SYT14: variants seen among roughly 807,000 people sequenced by gnomAD.
SYT14 encodes the protein synaptotagmin 14.
In SYT14, 32 loss-of-function variants were observed where a neutral mutation model predicts 74.2. That is an observed-to-expected ratio of 0.43 (90% CI 0.33 to 0.58). The LOEUF is 0.58. Among genes scored for constraint, SYT14 ranks in the 20% least tolerant of loss-of-function variants. SYT14 has a pLI of 0.05. For missense variants in SYT14, 791 were observed against 981.8 expected, an observed-to-expected ratio of 0.81 and a Z score of 2.60; for synonymous variants, 298 against 337.7, an observed-to-expected ratio of 0.88 and a Z score of 1.29.
intron 5 of SYT14, among the ~76,000 whole-genome samples, chr1:210,059,447 TATATAGAGAG>T (rs1439169510): frequency 1.3e-4 from 12 of 94,754 alleles, no homozygotes; most frequent in Non-Finnish European, 2.2e-4. Context: ...TATATATATA[TATATAGAGAG>T]AGAGAGAGAG....
rs916708697 is a variant in SYT14, at chr1:210,126,197, G to A, written c.2034+25736G>A. Among the ~76,000 whole-genome samples the A allele has an allele frequency of 4.0e-5, 6 of 151,226 alleles. No individual in the cohort carries two copies. In the East Asian group the frequency reaches 5.9e-4, roughly 15 times the overall value. ...CAGCCTGGCGACAGAGTGAGACTCC[G>A]TCTCAAGAAAAAAAAAAACAGAAAG... is the stretch of plus-strand genomic sequence containing the variant. On this transcript the variant is annotated intron_variant, in intron 7 of 9. Transcript: ENST00000637265.
At chr1:209,986,209 T>C (rs1458062625) in intron 2 of SYT14, among the ~76,000 whole-genome samples, 1 of 152,200 alleles carries the variant, frequency 6.6e-6, no homozygotes, top group Admixed American at 6.5e-5. Context: ...GCTTCCCTTT[T>C]AAATGTAAGT....
intron 5 of SYT14, among the ~76,000 whole-genome samples, chr1:210,043,960 G>A (rs1014291625): frequency 2.0e-5 from 3 of 152,020 alleles, no homozygotes; most frequent in African/African-American, 7.2e-5. Context: ...TGGGCATGGA[G>A]TGTATTTTTT....
chr1:210,120,433 C>G (rs896512772), intron 7 of SYT14, among the ~76,000 whole-genome samples: 1 of 148,836 alleles, frequency 6.7e-6, no homozygotes, highest in Non-Finnish European at 1.5e-5. Context: ...AATCAAGATT[C>G]ACTGCAACCT....
intron 7 of SYT14, among the ~76,000 whole-genome samples, chr1:210,135,848 T>C (rs1254225679): frequency 2.6e-5 from 4 of 152,212 alleles, no homozygotes; most frequent in Non-Finnish European, 4.4e-5. Flanking sequence ...ACTCAGGCAA[T>C]TTCCTTCTAA....
rs1229690573 is a variant in SYT14, at chr1:210,060,196, A to G, written c.1313-34126A>G. ...CATGGTTTCTAATCTTACCCTTTGT[A>G]TAAACTATTACCTTAGGCATGTCAC... On this transcript the variant is annotated intron_variant, in intron 5 of 9. Coordinates refer to ENST00000637265, the Ensembl canonical transcript of SYT14. 3.3e-5 allele frequency among the ~76,000 whole-genome samples: 5 copies of G among 152,166 alleles called. No individual in the cohort carries two copies. The East Asian group carries it at 7.7e-4, about 23-fold the overall frequency.
rs144256745 is a variant in SYT14, at chr1:209,958,014, A to G, written c.-486+5258A>G. Among the ~76,000 whole-genome samples, 820 of 151,972 alleles carry G rather than the reference A, an allele frequency of 5.4e-3. 4 individuals carry two copies. Among genetic ancestry groups the G allele is most frequent in the African/African-American group, 0.018 (753 of 41,410 alleles). ...GGGGAAATCCTTCCTTAACCCTAAG[A>G]TCATAGCAATTCCGTTACTTTAAGA... On this transcript the variant is annotated intron_variant, in intron 2 of 9. Coordinates refer to ENST00000637265, the Ensembl canonical transcript of SYT14.
At chr1:210,060,734 G>A (rs2102410158) in intron 5 of SYT14, among the ~76,000 whole-genome samples, 1 of 152,096 alleles carries the variant, frequency 6.6e-6, no homozygotes, top group Admixed American at 6.6e-5. Context: ...GAGATCACAT[G>A]TCCTTTTTTA....
chr1:210,058,229 A>C (rs910241989), intron 5 of SYT14, among the ~76,000 whole-genome samples: 3 of 152,138 alleles, frequency 2.0e-5, no homozygotes, highest in Non-Finnish European at 4.4e-5. Context: ...GGTAGTCCAA[A>C]CTGGTTTTAT....
At chr1:209,949,571 C>CAAA (rs34436607) in intron 1 of SYT14, among the ~76,000 whole-genome samples, 3,331 of 82,010 alleles carry the variant, frequency 0.041, 155 homozygotes, top group African/African-American at 0.095. Context: ...GACTCCGTCT[C>CAAA]AAAAAAAAAA....
intron 2 of SYT14, among the ~76,000 whole-genome samples, chr1:210,004,028 A>C: frequency 6.6e-6 from 1 of 152,056 alleles, no homozygotes; most frequent in East Asian, 1.9e-4. Context: ...TGCTTTCATC[A>C]GAATCAGATA....
chr1:209,980,587 C>T (rs1038144240), intron 2 of SYT14, among the ~76,000 whole-genome samples: 18 of 152,236 alleles, frequency 1.2e-4, no homozygotes, highest in Non-Finnish European at 1.3e-4. Flanking sequence ...TTGGGTTTTA[C>T]ATTTCATTCT....
intron 5 of SYT14, among the ~76,000 whole-genome samples, chr1:210,056,259 C>T (rs1005361768): frequency 1.3e-5 from 2 of 151,926 alleles, no homozygotes; most frequent in Non-Finnish European, 2.9e-5. Flanking sequence ...GTGAAGGAAT[C>T]TATAGGGCAT....
At chr1:209,990,549 G>GTATATATATATGTGTA in intron 2 of SYT14, among the ~76,000 whole-genome samples, 3 of 56,892 alleles carry the variant, frequency 5.3e-5, no homozygotes, top group African/African-American at 1.1e-4. Flanking sequence ...GTATATATAT[G>GTATATATATATGTGTA]TATATATATA....
chr1:209,956,180 A>G (rs1314828014), intron 2 of SYT14, among the ~76,000 whole-genome samples: 1 of 152,240 alleles, frequency 6.6e-6, no homozygotes, highest in Non-Finnish European at 1.5e-5. Context: ...TACGTCTCCT[A>G]TATCATATAT....
Position 209,960,159 on chromosome 1 carries a change from T to A in SYT14, c.-486+7403T>A, listed in dbSNP as rs865887148. Reference sequence around the variant, plus strand: ...TAACCTGGAGGGTGGTTTGTAGTTTTATGGCACAGGACTCTCTATTGTCCT... The same window carrying A: ...TAACCTGGAGGGTGGTTTGTAGTTTAATGGCACAGGACTCTCTATTGTCCT... On this transcript the variant is annotated intron_variant, in intron 2 of 9. Transcript: ENST00000637265. Among the ~76,000 whole-genome samples, 7 of 152,188 alleles carry A rather than the reference T, an allele frequency of 4.6e-5. No homozygotes were observed. The South Asian group carries it at 6.2e-4, about 13-fold the overall frequency.
chr1:210,114,598 A>G (rs761827771), intron 7 of SYT14, among the ~76,000 whole-genome samples: 6 of 151,342 alleles, frequency 4.0e-5, no homozygotes, highest in Non-Finnish European at 1.5e-5. Context: ...CAAACGGGCC[A>G]TGAACTGGGC....
intron 1 of SYT14, among the ~76,000 whole-genome samples, chr1:209,951,822 A>G (rs2078916775): frequency 2.0e-5 from 3 of 152,242 alleles, no homozygotes; most frequent in Admixed American, 2.0e-4. Context: ...ATGAGCCACA[A>G]CTACAAGTAA....
chr1:209,947,003 T>C (rs1406340685), intron 1 of SYT14, among the ~76,000 whole-genome samples: 1 of 152,202 alleles, frequency 6.6e-6, no homozygotes, highest in Non-Finnish European at 1.5e-5. Context: ...TTTGGGGTTT[T>C]AAATGACAGA....
Sources: gnomAD v4.1 joint callset for allele counts (sites outside exome capture counted in the v4.1 genomes callset) on GRCh38, gnomAD v4.1.1 for gene constraint, MANE v1.5 for transcripts, NCBI Gene and HGNC (gene_info 2026-07-23, HGNC 2026-07-21) for gene names.